Variants in BIRC6 observed in about 807,000 individuals in gnomAD.
BIRC6 encodes dual E2 ubiquitin-conjugating enzyme/E3 ubiquitin-protein ligase BIRC6.
In BIRC6, 98 loss-of-function variants were observed where a neutral mutation model predicts 503.3. The observed-to-expected ratio is 0.19, with a 90% CI of 0.17 to 0.23. The LOEUF (loss-of-function observed/expected upper bound fraction) is 0.23, where lower values mean the gene tolerates loss of function less well. Ranked by LOEUF, BIRC6 falls within the 10% of genes least tolerant of loss-of-function variation. The pLI is 1.00. For missense variants in BIRC6, 5,360 were observed against 5,806.0 expected, an observed-to-expected ratio of 0.92 and a Z score of 2.50; for synonymous variants, 2,240 against 2,078.7, an observed-to-expected ratio of 1.08 and a Z score of -2.11.
At chr2:32,504,450 G>A (rs1442014543) in intron 49 of BIRC6, among the ~76,000 whole-genome samples, 1 of 151,776 alleles carries the variant, frequency 6.6e-6, no homozygotes, top group East Asian at 1.9e-4. Flanking sequence ...GGTGGATCAT[G>A]AGGTCAGGAG....
At position 32,485,523 on chromosome 2, in the gene BIRC6, G is replaced by A. The variant is rs2050894003; in HGVS notation, c.7697-120G>A. 5 of 627,022 alleles carry A rather than the reference G, an allele frequency of 8.0e-6. No homozygotes were observed. In the South Asian group the frequency reaches 8.9e-5, roughly 11 times the overall value. 38.8% of individuals were successfully genotyped at this position (627,022 alleles called of 1,614,324 possible). On this transcript the variant is annotated intron_variant, in intron 39 of 73. Coordinates refer to ENST00000421745, the MANE Select transcript of BIRC6 (RefSeq NM_016252.4). ...CTCCGATACTGCATGTTAGGTGGCTGTTCTGTAAGAACACACTCTTCATCC... is the reference window on the plus strand; with the variant it reads ...CTCCGATACTGCATGTTAGGTGGCTATTCTGTAAGAACACACTCTTCATCC...
chr2:32,388,813 A>G lies in BIRC6; in HGVS notation c.709A>G (p.Asn237Asp), dbSNP rs767294675. ...GAAGTCCATTGCCAGTGCCATTGTAAATGAACTCAAGAAAATAAATCAAAA... is the reference window on the plus strand; with the variant it reads ...GAAGTCCATTGCCAGTGCCATTGTAGATGAACTCAAGAAAATAAATCAAAA... ...VLKSIASAIV[N>D]ELKKINQNVA... The change falls in exon 4 of 74, where the codon AAT (asparagine) becomes GAT (aspartate). Residue 237 changes from asparagine to aspartate, a missense_variant. Transcript: ENST00000421745. 35 of 1,613,136 alleles carry G rather than the reference A, an allele frequency of 2.2e-5. No homozygotes were observed. The highest frequency in any genetic ancestry group is 2.8e-5 in the Non-Finnish European group (33 of 1,179,614).
At chr2:32,476,036 C>T (rs1415150179) in intron 33 of BIRC6, among the ~76,000 whole-genome samples, 177 bp from the exon 34 acceptor site, 1 of 152,020 alleles carries the variant, frequency 6.6e-6, no homozygotes, top group African/African-American at 2.4e-5. Flanking sequence ...AGGGAGAGAT[C>T]TCAAAGTCAG....
At position 32,408,491 on chromosome 2, in the gene BIRC6, A is replaced by G. The variant is rs551395039; in HGVS notation, c.1477+1934A>G. On this transcript the variant is annotated intron_variant, in intron 9 of 73. Coordinates refer to ENST00000421745, the MANE Select transcript of BIRC6 (RefSeq NM_016252.4). ...GTGGGCTTCAGTTTTTCCTTTGTAA[A>G]GTGTTTGCTATGTTAAGTTTTTTTT... Among the ~76,000 whole-genome samples the G allele has an allele frequency of 1.7e-4, 26 of 152,042 alleles. No homozygotes were observed. The East Asian group carries it at 5.0e-3, about 29-fold the overall frequency.
At chr2:32,423,412 T>C (rs2150155982) in intron 10 of BIRC6, among the ~76,000 whole-genome samples, 1 of 152,322 alleles carries the variant, frequency 6.6e-6, no homozygotes, top group Non-Finnish European at 1.5e-5. Flanking sequence ...TCCAGAACTT[T>C]CCCATCATCC....
chr2:32,590,399 A>G (rs1321416757), intron 66 of BIRC6, among the ~76,000 whole-genome samples: 2 of 152,156 alleles, frequency 1.3e-5, no homozygotes, highest in Non-Finnish European at 2.9e-5. Context: ...GTTTATTGCA[A>G]CTTTGCAGTA....
chr2:32,553,315 C>T (rs935370539), intron 65 of BIRC6, among the ~76,000 whole-genome samples: 4 of 141,484 alleles, frequency 2.8e-5, no homozygotes, highest in Non-Finnish European at 6.1e-5. Context: ...TTTTCCTACT[C>T]TTTTGACCTC....
At chr2:32,598,060 ATAAAT>A in intron 69 of BIRC6, 92 bp downstream of exon 69, 2 of 1,198,082 alleles carry the variant, frequency 1.7e-6, no homozygotes, top group African/African-American at 3.1e-5. Context: ...TACTATACAA[ATAAAT>A]TATACAAAAC....
chr2:32,417,555 T>A (rs2150053666), intron 10 of BIRC6, among the ~76,000 whole-genome samples: 1 of 152,170 alleles, frequency 6.6e-6, no homozygotes, highest in Admixed American at 6.5e-5. Context: ...TAGCAGGAAT[T>A]TAGGACTAGG....
intron 31 of BIRC6, among the ~76,000 whole-genome samples, chr2:32,470,722 A>G (rs2049009458): frequency 6.6e-6 from 1 of 152,170 alleles, no homozygotes; most frequent in South Asian, 2.1e-4. Flanking sequence ...TGTGAATCTA[A>G]GAATAGTATC....
Position 32,491,460 on chromosome 2 carries a change from A to G in BIRC6, c.8242A>G (p.Thr2748Ala). The change falls in exon 44 of 74, where the codon ACT (threonine) becomes GCT (alanine). Residue 2748 changes from threonine (T) to alanine (A), a missense_variant. This residue lies in a region of BIRC6 where 2,299 missense variants were observed against 2,267.2 expected (regional missense o/e 1.01). Transcript: ENST00000421745. ...SSSAIGTQESTAHLLVSDPNL... is the reference protein window; with the variant it reads ...SSSAIGTQESAAHLLVSDPNL... ...CAGTGCCATTGGAACTCAGGAGAGT[A>G]CTGCTCATTTGTTGGTTTCAGATCC... 6.2e-7 allele frequency: 1 copy of G among 1,613,576 alleles called. No individual in the cohort carries two copies. Among genetic ancestry groups the G allele is most frequent in the Non-Finnish European group, 8.5e-7 (1 of 1,179,680 alleles).
intron 65 of BIRC6, among the ~76,000 whole-genome samples, chr2:32,573,770 T>C (rs1169134005): frequency 6.6e-6 from 1 of 152,236 alleles, no homozygotes; most frequent in Non-Finnish European, 1.5e-5. Flanking sequence ...AGAAAGTTGA[T>C]TTATTGAAAT....
At chr2:32,474,508 C>T (rs1213124104) in intron 33 of BIRC6, among the ~76,000 whole-genome samples, 1 of 152,064 alleles carries the variant, frequency 6.6e-6, no homozygotes, top group African/African-American at 2.4e-5. Flanking sequence ...TAAAAGGTGC[C>T]TTGAGGGATA....
Position 32,368,770 on chromosome 2 carries a change from G to C in BIRC6, c.326-8818G>C, listed in dbSNP as rs185366109. Among the ~76,000 whole-genome samples the C allele has an allele frequency of 7.2e-5, 11 of 152,108 alleles. No homozygotes were observed. In the East Asian group the frequency reaches 1.9e-3, roughly 27 times the overall value. ...GGGTTCAAGTGATTCTCTTTCATCA[G>C]CCTCCTTAGCAGCTGGGATTACAGG... On this transcript the variant is annotated intron_variant, in intron 1 of 73. Transcript: ENST00000421745.
At position 32,415,384 on chromosome 2, in the gene BIRC6, T is replaced by C. The variant is rs751204077; in HGVS notation, c.2093T>C (p.Leu698Pro). The C allele has an allele frequency of 6.2e-7, 1 of 1,614,042 alleles. No homozygotes were observed. Among genetic ancestry groups the C allele is most frequent in the Non-Finnish European group, 8.5e-7 (1 of 1,179,888 alleles). ...CAATTTGCAGATGCAGCAGCCAACC[T>C]TACCTCTCCGGATTCTGAGAAGTGG... ...IQQFADAAAN[L>P]TSPDSEKWNS... The change falls in exon 10 of 74, where the codon CTT (leucine) becomes CCT (proline). Residue 698 changes from leucine (L) to proline (P), a missense_variant. Physicochemically the swap from Leu to Pro is moderately conservative, Grantham distance 98. Transcript: ENST00000421745.
chr2:32,409,404 C>T (rs187584669), intron 9 of BIRC6, among the ~76,000 whole-genome samples: 104 of 152,272 alleles, frequency 6.8e-4, no homozygotes, highest in African/African-American at 2.2e-3. Context: ...GATCCACCTC[C>T]GTCAGCCTCC....
In BIRC6 at chr2:32,575,324, C is replaced by T. The variant is rs762922565; in HGVS notation, c.13313C>T (p.Ala4438Val). ...CAAACTTCTGTTGGTACATTGTTAG[C>T]CAAAATGAAGACCTGTGTTGATACC... The part of the protein sequence containing the change: ...ECQTSVGTLL[A>V]KMKTCVDTYT... Residue 4438 changes from alanine (A) to valine (V), a missense_variant, in exon 66 of 74, where the codon GCC becomes GTC. Around this residue, in one of 16 missense-constraint regions of BIRC6, gnomAD observed 477 missense variants for 574.4 expected, o/e 0.83. Transcript: ENST00000421745. 6.2e-7 allele frequency: 1 copy of T among 1,613,942 alleles called. No homozygotes were observed. The highest frequency in any genetic ancestry group is 1.7e-5 in the Admixed American group (1 of 60,016).
At position 32,529,704 on chromosome 2, in the gene BIRC6, G is replaced by T; in HGVS notation, c.11974G>T (p.Asp3992Tyr). The change falls in exon 60 of 74, where the codon GAC becomes TAC. Residue 3992 changes from aspartate (D) to tyrosine (Y), a missense_variant. By Grantham distance (160) the Asp-to-Tyr change is radical (BLOSUM62 -3). Transcript: ENST00000421745. ...TGCCCAGCTTTTAACTCTCCTATAT[G>T]ACCGAAAACTTCCTCAGGGTTACCG... ...TLAQLLTLLY[D>Y]RKLPQGYRSI... is the part of the protein sequence containing the mutation. 1 of 1,613,180 alleles carries T rather than the reference G, an allele frequency of 6.2e-7. No individual in the cohort carries two copies. Among genetic ancestry groups the T allele is most frequent in the South Asian group, 1.1e-5 (1 of 90,970 alleles).
chr2:32,517,112 C>CT (rs2055136788), intron 55 of BIRC6, among the ~76,000 whole-genome samples: 1 of 152,152 alleles, frequency 6.6e-6, no homozygotes, highest in African/African-American at 2.4e-5. Flanking sequence ...GGGTGGAACA[C>CT]TTGAGCTTAG....
Sources: gnomAD v4.1 joint callset for allele counts (sites outside exome capture counted in the v4.1 genomes callset) on GRCh38, gnomAD v4.1.1 for gene constraint, gnomAD v4.1.1 regional missense constraint, MANE v1.5 for transcripts, NCBI Gene and HGNC (gene_info 2026-07-23, HGNC 2026-07-21) for gene names.